NEGR1: variants seen among roughly 807,000 people sequenced by gnomAD.
The protein encoded by NEGR1 is IgLON family member 4.
NEGR1 carries 10 observed loss-of-function variants against 40.9 expected under a neutral mutation model. The observed-to-expected ratio is 0.24, with a 90% CI of 0.15 to 0.42. The LOEUF is 0.42. NEGR1 is among the 10% of genes least tolerant of loss of function. The probability of loss-of-function intolerance (pLI) is 1.00; values close to 1 mark genes in which losing one functional copy is unlikely to be tolerated. For missense variants in NEGR1, 352 were observed against 438.9 expected (o/e 0.80, Z 1.77); for synonymous variants, 185 against 166.8 (o/e 1.11, Z -0.84).
chr1:72,107,032 A>T (rs1649160615), intron 1 of NEGR1, among the ~76,000 whole-genome samples: 1 of 151,794 alleles, frequency 6.6e-6, no homozygotes, highest in South Asian at 2.1e-4. Context: ...AGATGAGAAA[A>T]TTTCCCTTGT....
chr1:71,967,385 A>T (rs922394174), intron 1 of NEGR1, among the ~76,000 whole-genome samples: 1 of 152,134 alleles, frequency 6.6e-6, no homozygotes, highest in African/African-American at 2.4e-5. Flanking sequence ...TTTTTCTTCC[A>T]TGGCACACTC....
chr1:71,737,417 G>A (rs955753438), intron 3 of NEGR1, among the ~76,000 whole-genome samples: 3 of 150,728 alleles, frequency 2.0e-5, no homozygotes, highest in Non-Finnish European at 2.9e-5. Flanking sequence ...TGCATCCCTC[G>A]AAATGGAGAT....
At chr1:71,698,413 A>C (rs1294075290) in intron 3 of NEGR1, among the ~76,000 whole-genome samples, 1 of 151,896 alleles carries the variant, frequency 6.6e-6, no homozygotes, top group Admixed American at 6.6e-5. Flanking sequence ...TCACACATCA[A>C]ATAGACTCTG....
At chr1:72,270,634 C>T (rs1251925791) in intron 1 of NEGR1, among the ~76,000 whole-genome samples, 4 of 151,884 alleles carry the variant, frequency 2.6e-5, no homozygotes, top group Non-Finnish European at 4.4e-5. Context: ...TCTTCATCCT[C>T]TGACTCTTTC....
chr1:72,169,802 G>A (rs1235793717), intron 1 of NEGR1, among the ~76,000 whole-genome samples: 1 of 152,190 alleles, frequency 6.6e-6, no homozygotes, highest in Admixed American at 6.6e-5. Context: ...CAAATTTAGT[G>A]AACTTTAATA....
At chr1:71,818,600 T>C (rs1658312675) in intron 2 of NEGR1, among the ~76,000 whole-genome samples, 2 of 151,968 alleles carry the variant, frequency 1.3e-5, no homozygotes, top group African/African-American at 4.8e-5. Context: ...ATTACTTGGG[T>C]GACAAAATAA....
intron 2 of NEGR1, among the ~76,000 whole-genome samples, chr1:71,865,782 A>C (rs935176471): frequency 6.6e-6 from 1 of 152,186 alleles, no homozygotes; most frequent in East Asian, 1.9e-4. Context: ...CATTCTATGA[A>C]TATCATATTA....
intron 6 of NEGR1, among the ~76,000 whole-genome samples, chr1:71,436,024 A>C (rs1442109015): frequency 6.6e-6 from 1 of 152,172 alleles, no homozygotes; most frequent in African/African-American, 2.4e-5. Flanking sequence ...TATGGAAGAG[A>C]ACTCCAATAG....
chr1:71,461,886 T>C (rs1469935705), intron 6 of NEGR1: 2 of 152,188 alleles, frequency 1.3e-5, no homozygotes, highest in Non-Finnish European at 2.9e-5. Context: ...TTATGTAATC[T>C]TCACAGGCCC....
At chr1:72,246,231 A>T (rs1654898934) in intron 1 of NEGR1, among the ~76,000 whole-genome samples, 1 of 152,174 alleles carries the variant, frequency 6.6e-6, no homozygotes, top group African/African-American at 2.4e-5. Context: ...AACAATTTAC[A>T]GCCAGCCAAC....
chr1:72,239,940 G>A (rs1219586403), intron 1 of NEGR1, among the ~76,000 whole-genome samples: 1 of 151,730 alleles, frequency 6.6e-6, no homozygotes, highest in Non-Finnish European at 1.5e-5. Flanking sequence ...AAAGGTCATG[G>A]AAAATGTGTA....
At chr1:72,009,007 AAAAG>A (rs1557481206) in intron 1 of NEGR1, among the ~76,000 whole-genome samples, 1 of 151,744 alleles carries the variant, frequency 6.6e-6, no homozygotes, top group South Asian at 2.1e-4. Context: ...TCAAAAAAAA[AAAAG>A]AAAGAAAAGA....
chr1:71,553,749 GA>G (rs71788975), intron 6 of NEGR1, among the ~76,000 whole-genome samples: 7,027 of 151,496 alleles, frequency 0.046, 554 homozygotes, highest in African/African-American at 0.16. Context: ...AGCCAACCTG[GA>G]AAAAAGTTTG....
At chr1:71,845,544 T>G (rs2101806561) in intron 2 of NEGR1, among the ~76,000 whole-genome samples, 1 of 152,264 alleles carries the variant, frequency 6.6e-6, no homozygotes, top group South Asian at 2.1e-4. Flanking sequence ...AAATAATATT[T>G]ATTGAGCACT....
rs550973681 is a variant in NEGR1, at chr1:71,513,783, G to T, written c.940+79034C>A. Among the ~76,000 whole-genome samples the T allele has an allele frequency of 6.6e-5, 10 of 151,874 alleles. No individual in the cohort carries two copies. The East Asian group carries it at 2.0e-3, about 30-fold the overall frequency. On this transcript the variant is annotated intron_variant, in intron 6 of 6. Transcript: ENST00000357731. Reference sequence around the variant, plus strand: ...TCCCAGCGTGAGCGACGCAGAAGACGGGTGATTTCTGCATTTCCATCTGAG... The same window carrying T: ...TCCCAGCGTGAGCGACGCAGAAGACTGGTGATTTCTGCATTTCCATCTGAG...
intron 1 of NEGR1, among the ~76,000 whole-genome samples, chr1:71,961,817 G>GT (rs1160144306): frequency 6.6e-6 from 1 of 151,922 alleles, no homozygotes; most frequent in Non-Finnish European, 1.5e-5. Context: ...AAGAACACAG[G>GT]TTTTGGGTCA....
At chr1:72,011,742 G>A (rs1646659083) in intron 1 of NEGR1, among the ~76,000 whole-genome samples, 1 of 152,170 alleles carries the variant, frequency 6.6e-6, no homozygotes, top group South Asian at 2.1e-4. Flanking sequence ...AGTGGTTAAA[G>A]AAGGCTTCTA....
At chr1:71,999,551 C>T (rs1646535678) in intron 1 of NEGR1, among the ~76,000 whole-genome samples, 1 of 146,642 alleles carries the variant, frequency 6.8e-6, no homozygotes, top group Non-Finnish European at 1.5e-5. Flanking sequence ...TTTGTTAATT[C>T]TGTCTTCTGA....
At chr1:71,912,438 C>T (rs532762834) in intron 2 of NEGR1, among the ~76,000 whole-genome samples, 2 of 152,082 alleles carry the variant, frequency 1.3e-5, no homozygotes, top group African/African-American at 2.4e-5. Context: ...TGATGAGAAA[C>T]TTTCATTTCA....
Sources: allele counts gnomAD v4.1 joint callset (sites outside exome capture counted in the v4.1 genomes callset), GRCh38; gene constraint gnomAD v4.1.1; transcripts MANE v1.5; gene names NCBI Gene and HGNC (gene_info 2026-07-23, HGNC 2026-07-21).